The following SND1 variants were observed in gnomAD, a reference collection of about 807,000 sequenced individuals.
The protein encoded by SND1 is staphylococcal nuclease and tudor domain containing 1.
In SND1, 38 loss-of-function variants were observed where a neutral mutation model predicts 121.7. The observed-to-expected ratio is 0.31, with a 90% CI of 0.24 to 0.41. The LOEUF is 0.41. Among genes scored for constraint, SND1 ranks in the 10% least tolerant of loss-of-function variants. SND1 has a pLI of 1.00. For missense variants in SND1, 868 were observed against 1,184.6 expected (o/e 0.73, Z 3.92); for synonymous variants, 401 against 447.4 (o/e 0.90, Z 1.31).
intron 15 of SND1, among the ~76,000 whole-genome samples, chr7:127,954,410 G>A (rs557028533): frequency 2.0e-5 from 3 of 152,170 alleles, no homozygotes; most frequent in African/African-American, 7.2e-5. Flanking sequence ...TTTTGCTTGA[G>A]TTGTGCTTCT....
chr7:127,892,594 C>T lies in SND1; in HGVS notation c.1454+4582C>T, dbSNP rs141222005. 2.8e-3 allele frequency among the ~76,000 whole-genome samples: 422 copies of T among 152,238 alleles called. 1 individual carries two copies. Among genetic ancestry groups the T allele is most frequent in the Non-Finnish European group, 4.1e-3 (277 of 67,980 alleles). On this transcript the variant is annotated intron_variant, in intron 13 of 23. Coordinates refer to ENST00000354725, the MANE Select transcript of SND1 (RefSeq NM_014390.4). ...CTCACATTCCCAAAAGGCGGCCTTT[C>T]GGCCTTCTGGCCTTCCTTTCCAGCT...
At chr7:128,082,132 C>G (rs1243944116) in intron 18 of SND1, among the ~76,000 whole-genome samples, 2 of 152,184 alleles carry the variant, frequency 1.3e-5, no homozygotes, top group Non-Finnish European at 2.9e-5. Context: ...TTCTGGAGGC[C>G]AAAGGGCAGG....
At chr7:128,046,867 A>T (rs1792958597) in intron 16 of SND1, among the ~76,000 whole-genome samples, 1 of 152,224 alleles carries the variant, frequency 6.6e-6, no homozygotes, top group Non-Finnish European at 1.5e-5. Flanking sequence ...AATAGAAATA[A>T]AGAATATATT....
intron 10 of SND1, among the ~76,000 whole-genome samples, chr7:127,795,636 TTGTAGG>T (rs1205996825): frequency 6.6e-6 from 1 of 152,130 alleles, no homozygotes; most frequent in African/African-American, 2.4e-5. Flanking sequence ...TATGTCAAAC[TTGTAGG>T]TGTAGAGAGA....
intron 15 of SND1, among the ~76,000 whole-genome samples, chr7:127,941,844 ACTG>A (rs1801212190): frequency 6.8e-6 from 1 of 147,772 alleles, no homozygotes; most frequent in Non-Finnish European, 1.5e-5. Context: ...TTTTTAGCAA[ACTG>A]CTATTTCTTT....
intron 10 of SND1, among the ~76,000 whole-genome samples, chr7:127,779,125 T>C (rs1170957016): frequency 6.6e-6 from 1 of 152,192 alleles, no homozygotes; most frequent in African/African-American, 2.4e-5. Context: ...TAGTTCCGCA[T>C]TGCACTATGG....
At chr7:127,853,212 G>C (rs1295192150) in intron 12 of SND1, among the ~76,000 whole-genome samples, 2 of 152,178 alleles carry the variant, frequency 1.3e-5, no homozygotes, top group East Asian at 1.9e-4. Flanking sequence ...TTTTGCAAGT[G>C]GGGGCTCGGG....
At chr7:127,700,477 A>G (rs1796082311) in intron 4 of SND1, among the ~76,000 whole-genome samples, 1 of 152,220 alleles carries the variant, frequency 6.6e-6, no homozygotes. Flanking sequence ...AGATTATGCA[A>G]AAGCCATGCA....
chr7:127,924,209 T>A (rs1800785565), intron 14 of SND1, among the ~76,000 whole-genome samples: 1 of 152,146 alleles, frequency 6.6e-6, no homozygotes. Context: ...ATTGATGGGC[T>A]TCTTTCTAGC....
At chr7:128,075,108 T>G (rs1793485385) in intron 17 of SND1, among the ~76,000 whole-genome samples, 2 of 152,192 alleles carry the variant, frequency 1.3e-5, no homozygotes, top group African/African-American at 2.4e-5. Flanking sequence ...CATTGCCCCG[T>G]GGGGAAACAA....
intron 4 of SND1, among the ~76,000 whole-genome samples, chr7:127,699,656 A>G (rs914466649): frequency 6.6e-5 from 10 of 152,216 alleles, no homozygotes; most frequent in Non-Finnish European, 1.2e-4. Flanking sequence ...TATGTATATC[A>G]TGTTCAAGTT....
chr7:127,871,716 A>G (rs1462403003), intron 12 of SND1, among the ~76,000 whole-genome samples: 1 of 152,232 alleles, frequency 6.6e-6, no homozygotes, highest in African/African-American at 2.4e-5. Flanking sequence ...CATTGAAATG[A>G]TAAACAATCT....
chr7:127,655,569 G>T (rs1408590518), intron 1 of SND1, among the ~76,000 whole-genome samples: 1 of 152,176 alleles, frequency 6.6e-6, no homozygotes, highest in Non-Finnish European at 1.5e-5. Flanking sequence ...TATGTGGGTG[G>T]ACAAAATATA....
intron 14 of SND1, among the ~76,000 whole-genome samples, chr7:127,910,476 A>G (rs1011920357): frequency 2.0e-5 from 3 of 152,032 alleles, no homozygotes; most frequent in African/African-American, 7.2e-5. Context: ...AAAAGAAAAA[A>G]GTGGTTTGCC....
intron 10 of SND1, among the ~76,000 whole-genome samples, chr7:127,764,439 C>A (rs1240049493): frequency 6.6e-6 from 1 of 152,152 alleles, no homozygotes; most frequent in Non-Finnish European, 1.5e-5. Flanking sequence ...GGAAGGAACT[C>A]CATGCTCATT....
At chr7:127,717,786 A>T (rs1386494273) in intron 9 of SND1, among the ~76,000 whole-genome samples, 1 of 152,166 alleles carries the variant, frequency 6.6e-6, no homozygotes. Context: ...CATTGGGGCT[A>T]TTGGTGGTTA....
At chr7:127,706,496 G>C (rs1431443311) in intron 8 of SND1, among the ~76,000 whole-genome samples, 1 of 152,032 alleles carries the variant, frequency 6.6e-6, no homozygotes, top group East Asian at 1.9e-4. Flanking sequence ...CTGACCTCGT[G>C]ATCCGCCCGC....
chr7:128,020,167 G>A (rs1381978556), intron 16 of SND1, among the ~76,000 whole-genome samples: 1 of 152,244 alleles, frequency 6.6e-6, no homozygotes, highest in Non-Finnish European at 1.5e-5. Flanking sequence ...TGAAGAGAAA[G>A]GAAAGTTGCC....
At chr7:127,729,288 A>G (rs1173434895) in intron 10 of SND1, among the ~76,000 whole-genome samples, 2 of 151,990 alleles carry the variant, frequency 1.3e-5, no homozygotes, top group African/African-American at 4.8e-5. Flanking sequence ...GTATATATAT[A>G]TATTTTACTG....
Sources: gnomAD v4.1 joint callset for allele counts (sites outside exome capture counted in the v4.1 genomes callset) on GRCh38, gnomAD v4.1.1 for gene constraint, MANE v1.5 for transcripts, NCBI Gene and HGNC (gene_info 2026-07-23, HGNC 2026-07-21) for gene names.